DENND1A: variants seen among roughly 807,000 people sequenced by gnomAD.
The protein encoded by DENND1A is DENN domain containing 1A.
A neutral mutation model predicts 113.7 loss-of-function variants in DENND1A; 51 were observed. The ratio of observed to expected loss-of-function variants is 0.45; its 90% confidence interval spans 0.36 to 0.57. DENND1A has a LOEUF of 0.57. Ranked by LOEUF, DENND1A falls within the 20% of genes least tolerant of loss-of-function variation. The probability of loss-of-function intolerance (pLI) is 0.00; values close to 1 mark genes in which losing one functional copy is unlikely to be tolerated. For synonymous variants in DENND1A, 565 were observed against 570.8 expected, an observed-to-expected ratio of 0.99 and a Z score of 0.14; for missense variants, 1,258 against 1,395.9, an observed-to-expected ratio of 0.90 and a Z score of 1.57.
At chr9:123,827,586 A>C (rs1050049602) in intron 2 of DENND1A, among the ~76,000 whole-genome samples, 1 of 152,016 alleles carries the variant, frequency 6.6e-6, no homozygotes, top group Non-Finnish European at 1.5e-5. Flanking sequence ...TCTCCCAAGG[A>C]TATGGGCTGA....
chr9:123,687,923 C>A (rs1260916771), intron 5 of DENND1A, among the ~76,000 whole-genome samples: 2 of 152,206 alleles, frequency 1.3e-5, no homozygotes, highest in South Asian at 2.1e-4. Context: ...GGAAGCCCAG[C>A]AATCCTGAAG....
chr9:123,688,036 T>G (rs557080368), intron 5 of DENND1A, among the ~76,000 whole-genome samples: 2 of 152,352 alleles, frequency 1.3e-5, no homozygotes, highest in South Asian at 2.1e-4. Context: ...GAGTGGTAAA[T>G]ATTTTAATAG....
intron 1 of DENND1A, among the ~76,000 whole-genome samples, chr9:123,928,158 G>A (rs1857415709): frequency 6.6e-6 from 1 of 152,186 alleles, no homozygotes. Flanking sequence ...AATTAGCGAT[G>A]GGTTCCACAA....
intron 13 of DENND1A, among the ~76,000 whole-genome samples, chr9:123,466,496 C>CT (rs2048960671): frequency 1.3e-5 from 2 of 152,134 alleles, no homozygotes; most frequent in Admixed American, 6.5e-5. Context: ...GATAGGTTTT[C>CT]ACCATGTTGG....
intron 1 of DENND1A, among the ~76,000 whole-genome samples, chr9:123,914,042 T>C (rs1854595266): frequency 6.6e-6 from 1 of 151,706 alleles, no homozygotes; most frequent in Admixed American, 6.6e-5. Flanking sequence ...AGAAATGGCA[T>C]CGATAGGCCC....
At chr9:123,459,257 A>T (rs918116091) in intron 13 of DENND1A, among the ~76,000 whole-genome samples, 3 of 152,188 alleles carry the variant, frequency 2.0e-5, no homozygotes, top group Non-Finnish European at 4.4e-5. Context: ...CTGGGGGTAG[A>T]GCAGGGGTGC....
intron 12 of DENND1A, among the ~76,000 whole-genome samples, chr9:123,572,806 T>C (rs1471129189): frequency 6.6e-6 from 1 of 152,176 alleles, no homozygotes; most frequent in African/African-American, 2.4e-5. Flanking sequence ...TTTCATGACA[T>C]CCAATTTATC....
chr9:123,731,909 CA>C (rs1304607910), intron 5 of DENND1A, among the ~76,000 whole-genome samples: 2 of 152,040 alleles, frequency 1.3e-5, no homozygotes, highest in Non-Finnish European at 2.9e-5. Flanking sequence ...TTTAAATGGG[CA>C]AAAGATTTGA....
chr9:123,674,225 G>A (rs2063906326), intron 6 of DENND1A, among the ~76,000 whole-genome samples: 1 of 151,988 alleles, frequency 6.6e-6, no homozygotes, highest in African/African-American at 2.4e-5. Context: ...CCCATTCAAG[G>A]TCTGATGAGC....
At chr9:123,456,032 T>C (rs1481359488) in intron 15 of DENND1A, among the ~76,000 whole-genome samples, 1 of 152,228 alleles carries the variant, frequency 6.6e-6, no homozygotes, top group Non-Finnish European at 1.5e-5. Flanking sequence ...CTTTTTACTC[T>C]ATGGGGCTCT....
At chr9:123,472,395 C>T (rs113925093) in intron 13 of DENND1A, among the ~76,000 whole-genome samples, 10,658 of 152,156 alleles carry the variant, frequency 0.07, 471 homozygotes, top group Admixed American at 0.095. Flanking sequence ...CTGGGGCTGG[C>T]GGGCACGTCA....
chr9:123,712,740 G>T (rs1010621299), intron 5 of DENND1A, among the ~76,000 whole-genome samples: 3 of 152,172 alleles, frequency 2.0e-5, no homozygotes, highest in African/African-American at 7.2e-5. Context: ...AACAAAACAG[G>T]CTAATGTGAA....
intron 2 of DENND1A, among the ~76,000 whole-genome samples, chr9:123,876,276 T>C (rs1847448663): frequency 6.6e-6 from 1 of 152,144 alleles, no homozygotes; most frequent in African/African-American, 2.4e-5. Context: ...TAAACTGACA[T>C]GAAAACTAAA....
chr9:123,397,207 G>A (rs1057183722), intron 21 of DENND1A, among the ~76,000 whole-genome samples: 1 of 152,058 alleles, frequency 6.6e-6, no homozygotes. Context: ...CAGGCTGGAG[G>A]GCAGTGGCAT....
chr9:123,626,682 G>A (rs2061233550), intron 10 of DENND1A, among the ~76,000 whole-genome samples: 2 of 152,138 alleles, frequency 1.3e-5, no homozygotes, highest in Non-Finnish European at 2.9e-5. Context: ...CCTTTCCTTG[G>A]AGATATATGG....
At chr9:123,586,588 C>G (rs1035085578) in intron 11 of DENND1A, among the ~76,000 whole-genome samples, 1 of 152,176 alleles carries the variant, frequency 6.6e-6, no homozygotes, top group Non-Finnish European at 1.5e-5. Context: ...ACAATGCTGC[C>G]CTCCTGGTGG....
At chr9:123,384,131 G>A (rs532736618) in intron 22 of DENND1A, among the ~76,000 whole-genome samples, 84 of 152,346 alleles carry the variant, frequency 5.5e-4, no homozygotes, top group African/African-American at 1.9e-3. Context: ...AGGGCAACTC[G>A]CTTTGGCTCT....
intron 6 of DENND1A, among the ~76,000 whole-genome samples, chr9:123,671,978 G>A (rs1363777254): frequency 2.0e-5 from 3 of 152,196 alleles, no homozygotes; most frequent in South Asian, 2.1e-4. Flanking sequence ...AAAGAACACT[G>A]CTCACAGAAT....
intron 4 of DENND1A, among the ~76,000 whole-genome samples, chr9:123,765,350 GA>G (rs1444401284): frequency 6.6e-6 from 1 of 152,096 alleles, no homozygotes; most frequent in Non-Finnish European, 1.5e-5. Context: ...GTGGCATGAG[GA>G]TAATGGTAAC....
Sources: gnomAD v4.1 joint callset for allele counts (sites outside exome capture counted in the v4.1 genomes callset) on GRCh38, gnomAD v4.1.1 for gene constraint, MANE v1.5 for transcripts, NCBI Gene and HGNC (gene_info 2026-07-23, HGNC 2026-07-21) for gene names.